Variants in C10orf90 observed in about 807,000 individuals in gnomAD.
The protein encoded by C10orf90 is (E2-independent) E3 ubiquitin-conjugating enzyme FATS.
Under a neutral mutation model 62.5 loss-of-function variants are expected in C10orf90, and 56 were observed. The ratio of observed to expected loss-of-function variants is 0.90; its 90% CI spans 0.72 to 1.12. The LOEUF (loss-of-function observed/expected upper bound fraction) is 1.12. Among genes scored for constraint, C10orf90 ranks in the 50% most tolerant of loss-of-function variants. The pLI is 0.00. For synonymous variants in C10orf90, 386 were observed against 340.4 expected, an observed-to-expected ratio of 1.13 and a Z score of -1.47; for missense variants, 970 against 880.4, an observed-to-expected ratio of 1.10 and a Z score of -1.29.
At position 126,513,901 on chromosome 10, in the gene C10orf90, C is replaced by T. The variant is rs1360893868; in HGVS notation, c.352G>A (p.Ala118Thr). 13 of 1,613,236 alleles carry T rather than the reference C, an allele frequency of 8.1e-6. No homozygotes were observed. Among genetic ancestry groups the T allele is most frequent in the Non-Finnish European group, 1.1e-5 (13 of 1,179,486 alleles). The change falls in exon 3 of 10, where the codon GCC becomes ACC. Residue 118 changes from alanine (A) to threonine (T), a missense_variant. Transcript: ENST00000488181. ...ACATCAGACTGGAGATTTTTAAGGG[C>T]AATTTGATCTCTTCTACTGTGGTAG... is the stretch of plus-strand genomic sequence containing the variant. ...DSYHSRRDQI[A>T]LKNLQSDVTE... is the part of the protein sequence containing the mutation.
At chr10:126,454,012 C>T (rs1346415700) in intron 7 of C10orf90, among the ~76,000 whole-genome samples, 2 of 152,020 alleles carry the variant, frequency 1.3e-5, no homozygotes, top group East Asian at 1.9e-4. Flanking sequence ...TGAAGCTGGG[C>T]CCCCAGCCTA....
chr10:126,642,308 A>G (rs567850037), intron 2 of C10orf90, among the ~76,000 whole-genome samples: 338 of 152,194 alleles, frequency 2.2e-3, no homozygotes, highest in Middle Eastern at 0.017. Flanking sequence ...CAAGGTGGGC[A>G]GATCACGAGG....
intron 2 of C10orf90, among the ~76,000 whole-genome samples, chr10:126,579,196 A>G (rs1180354657): frequency 6.6e-6 from 1 of 152,100 alleles, no homozygotes; most frequent in Non-Finnish European, 1.5e-5. Flanking sequence ...AGCCTTATCA[A>G]TCATTTACAT....
In C10orf90 at chr10:126,456,785, A is replaced by G. The variant is rs1859612264; in HGVS notation, c.2188+2255T>C. Among the ~76,000 whole-genome samples the G allele has an allele frequency of 6.6e-6, 1 of 152,132 alleles. No homozygotes were observed. The highest frequency in any genetic ancestry group is 2.1e-4 in the South Asian group (1 of 4,820). ...AGGATGGCCATGTGGAGACAGAGGC[A>G]GAGACTGTAGTGCCGCATCTACAAA... On this transcript the variant is annotated intron_variant, in intron 7 of 9. Transcript: ENST00000488181. This position sits in a 1 kb window ranked among gnomAD's most constrained non-coding sequence, Gnocchi z 4.9.
intron 2 of C10orf90, among the ~76,000 whole-genome samples, chr10:126,531,128 CACAT>C (rs1864082447): frequency 1.3e-5 from 2 of 148,936 alleles, no homozygotes; most frequent in Non-Finnish European, 3.0e-5. Context: ...GAGCTGAGAT[CACAT>C]CACTGCACTC....
chr10:126,485,807 C>T (rs1423213203), intron 4 of C10orf90, among the ~76,000 whole-genome samples: 9 of 151,358 alleles, frequency 5.9e-5, no homozygotes, highest in Admixed American at 2.0e-4. Flanking sequence ...ATTAGCCGGG[C>T]GTCGTGGTGG....
chr10:126,636,447 G>A (rs1845952057), intron 2 of C10orf90, among the ~76,000 whole-genome samples: 1 of 152,124 alleles, frequency 6.6e-6, no homozygotes, highest in African/African-American at 2.4e-5. Flanking sequence ...GTATGATAAT[G>A]GTCTCATGGC....
intron 1 of C10orf90, among the ~76,000 whole-genome samples, chr10:126,646,878 G>C (rs1011728787): frequency 1.3e-5 from 2 of 152,088 alleles, no homozygotes; most frequent in African/African-American, 4.8e-5. Context: ...AGGGAGGAAA[G>C]GAAACTAGAA....
Position 126,577,820 on chromosome 10 carries a change from T to C in C10orf90, c.314-63881A>G, listed in dbSNP as rs551649800. 4.5e-4 allele frequency among the ~76,000 whole-genome samples: 69 copies of C among 152,150 alleles called. 1 individual carries two copies. Among genetic ancestry groups the C allele is most frequent in the African/African-American group, 1.6e-3 (65 of 41,552 alleles). On this transcript the variant is annotated intron_variant, in intron 2 of 9. Coordinates refer to ENST00000488181, the MANE Select transcript of C10orf90 (RefSeq NM_001350921.2). Reference sequence around the variant, plus strand: ...AGGCAAACTAACCAGTAGAAATCAATAGAGGGTCCAGAAACAGACCCTCTC... The same window carrying C: ...AGGCAAACTAACCAGTAGAAATCAACAGAGGGTCCAGAAACAGACCCTCTC...
At chr10:126,516,021 C>T (rs760597868) in intron 2 of C10orf90, among the ~76,000 whole-genome samples, 4 of 152,188 alleles carry the variant, frequency 2.6e-5, no homozygotes, top group African/African-American at 4.8e-5. Context: ...GACAATAAAG[C>T]TGATGAAGAC....
At chr10:126,642,527 A>G (rs371585044) in intron 2 of C10orf90, among the ~76,000 whole-genome samples, 115 of 151,842 alleles carry the variant, frequency 7.6e-4, no homozygotes, top group African/African-American at 1.5e-3. Flanking sequence ...GCGAGACTCC[A>G]TCTCAAAAAA....
intron 7 of C10orf90, among the ~76,000 whole-genome samples, chr10:126,430,434 G>T (rs1388318814): frequency 6.6e-6 from 1 of 152,142 alleles, no homozygotes; most frequent in Non-Finnish European, 1.5e-5. Flanking sequence ...ATCACTATGA[G>T]ACTGGGACTT....
At chr10:126,559,159 T>C (rs1440234630) in intron 2 of C10orf90, among the ~76,000 whole-genome samples, 1 of 152,242 alleles carries the variant, frequency 6.6e-6, no homozygotes. Context: ...ACATTTATCC[T>C]CATAGGCCAA....
intron 2 of C10orf90, among the ~76,000 whole-genome samples, chr10:126,579,075 A>T (rs1393359642): frequency 6.6e-6 from 1 of 151,226 alleles, no homozygotes; most frequent in Non-Finnish European, 1.5e-5. Context: ...TTTTTTTAAA[A>T]AAAAAAACCT....
At chr10:126,483,747 C>T (rs1416654061) in intron 4 of C10orf90, among the ~76,000 whole-genome samples, 1 of 152,204 alleles carries the variant, frequency 6.6e-6, no homozygotes, top group Admixed American at 6.5e-5. Flanking sequence ...CCTTCAGAGG[C>T]CCCAGAGTGA....
chr10:126,566,142 G>A (rs1177028950), intron 2 of C10orf90, among the ~76,000 whole-genome samples: 2 of 152,130 alleles, frequency 1.3e-5, no homozygotes, highest in African/African-American at 2.4e-5. Flanking sequence ...GATAACCTTG[G>A]ATAAATTATT....
At chr10:126,666,945 A>C (rs1482829942) in intron 1 of C10orf90, among the ~76,000 whole-genome samples, 1 of 149,738 alleles carries the variant, frequency 6.7e-6, no homozygotes, top group Non-Finnish European at 1.5e-5. Flanking sequence ...GTGCCACTGC[A>C]CTCCAGCCTG....
At chr10:126,593,786 T>TTTG (rs148300558) in intron 2 of C10orf90, among the ~76,000 whole-genome samples, 1 of 152,040 alleles carries the variant, frequency 6.6e-6, no homozygotes, top group Non-Finnish European at 1.5e-5. Context: ...TTAAAAAGTT[T>TTTG]TTGTTGTTGT....
At chr10:126,565,190 T>TTATATTACATATTATGTAATATAATA (rs1844326691) in intron 2 of C10orf90, among the ~76,000 whole-genome samples, 2 of 22,960 alleles carry the variant, frequency 8.7e-5, no homozygotes, top group African/African-American at 2.3e-4. Context: ...TAATATAATA[T>TTATATTACATATTATGTAATATAATA]TTATATTACA....
Sources: allele counts gnomAD v4.1 joint callset (sites outside exome capture counted in the v4.1 genomes callset), GRCh38; gene constraint gnomAD v4.1.1; non-coding constraint Gnocchi (gnomAD v3.1); transcripts MANE v1.5; gene names NCBI Gene and HGNC (gene_info 2026-07-23, HGNC 2026-07-21).